MIB1: variants seen among roughly 807,000 people sequenced by gnomAD.
MIB1 encodes the protein MIB E3 ubiquitin protein ligase 1, also known as E3 ubiquitin-protein ligase MIB1.
MIB1 carries 278 observed loss-of-function variants against 124.5 expected under a neutral mutation model. That is an observed-to-expected ratio of 2.23 (90% confidence interval 2.02 to 2.47). The LOEUF is 2.47. MIB1 is among the 30% of genes most tolerant of loss of function. The pLI, the probability that MIB1 is intolerant of heterozygous loss-of-function variation, is 0.00. For synonymous variants in MIB1, 446 were observed against 429.4 expected (o/e 1.04, Z -0.48); for missense variants, 957 against 1,254.4 (o/e 0.76, Z 3.58).
At chr18:21,744,752 AT>A (rs1243228433) in intron 1 of MIB1, among the ~76,000 whole-genome samples, 2 of 152,228 alleles carry the variant, frequency 1.3e-5, no homozygotes, top group Non-Finnish European at 2.9e-5. Flanking sequence ...TTGTTAGTGC[AT>A]CGTACCAGGA....
At chr18:21,766,754 TA>T (rs61661344) in intron 2 of MIB1, among the ~76,000 whole-genome samples, 2,457 of 152,208 alleles carry the variant, frequency 0.016, 63 homozygotes, top group African/African-American at 0.052. Context: ...TAAAAATGAA[TA>T]AGGCTGGGCG....
chr18:21,785,873 G>A (rs1258515459), intron 6 of MIB1, among the ~76,000 whole-genome samples: 1 of 152,112 alleles, frequency 6.6e-6, no homozygotes, highest in Non-Finnish European at 1.5e-5. Flanking sequence ...GAAAGTTTTG[G>A]TTGGTACAGT....
intron 12 of MIB1, among the ~76,000 whole-genome samples, chr18:21,825,306 A>G (rs141455659): frequency 2.6e-4 from 40 of 152,286 alleles, no homozygotes; most frequent in African/African-American, 9.6e-4. Context: ...GCACACATCC[A>G]TGTAAACCAC....
chr18:21,803,544 C>CT (rs1476173807), intron 9 of MIB1, among the ~76,000 whole-genome samples: 1 of 152,078 alleles, frequency 6.6e-6, no homozygotes, highest in Non-Finnish European at 1.5e-5. Context: ...TAAAAGTTTT[C>CT]TTTTCACTTC....
At chr18:21,808,957 G>A (rs1044320712) in intron 10 of MIB1, among the ~76,000 whole-genome samples, 1 of 151,910 alleles carries the variant, frequency 6.6e-6, no homozygotes, top group Non-Finnish European at 1.5e-5. Context: ...AAAAAAAACT[G>A]CTTCAAATGG....
At chr18:21,809,525 T>C (rs1198815854) in intron 10 of MIB1, among the ~76,000 whole-genome samples, 1 of 152,010 alleles carries the variant, frequency 6.6e-6, no homozygotes, top group Non-Finnish European at 1.5e-5. Context: ...TGAGCTACAT[T>C]CAGCAGCATG....
At chr18:21,757,162 C>T (rs1243537552) in intron 1 of MIB1, among the ~76,000 whole-genome samples, 2 of 151,804 alleles carry the variant, frequency 1.3e-5, no homozygotes, top group Non-Finnish European at 2.9e-5. Context: ...TTAAAAAAGA[C>T]AGTCTTTTAG....
At chr18:21,846,875 A>G (rs930531414) in intron 15 of MIB1, 69 bp from the exon 16 acceptor site, 9 of 1,436,974 alleles carry the variant, frequency 6.3e-6, no homozygotes, top group Non-Finnish European at 5.8e-6. Context: ...ACACACATAC[A>G]TATATATGAT....
At chr18:21,778,606 AG>A (rs1359009145) in intron 5 of MIB1, among the ~76,000 whole-genome samples, 1 of 152,110 alleles carries the variant, frequency 6.6e-6, no homozygotes, top group Non-Finnish European at 1.5e-5. Context: ...AATAAAAAAA[AG>A]GGAACAAGAA....
At chr18:21,811,730 C>G (rs2041775909) in intron 10 of MIB1, among the ~76,000 whole-genome samples, 1 of 151,812 alleles carries the variant, frequency 6.6e-6, no homozygotes, top group Non-Finnish European at 1.5e-5. Context: ...TGTAGAGTTT[C>G]AGTTTTCTCA....
Position 21,773,683 on chromosome 18 carries a change from G to A in MIB1, c.591G>A (p.Trp197Ter), listed in dbSNP as rs1393169553. The change falls in exon 4 of 21, where the codon TGG (tryptophan) becomes TGA (stop). Residue 197 changes from tryptophan (W) to a stop codon, truncating the protein, a stop_gained. Transcript: ENST00000261537. LOFTEE classifies it high-confidence loss of function. ...CACATAGCGCAGCATATGTCCTCTG[G>A]GATAATGGTGCTAAGAACCTTTACA... The part of the protein sequence containing the change: ...SSPHSAAYVL[W>*]DNGAKNLYRV... The A allele has an allele frequency of 1.9e-6, 3 of 1,608,958 alleles. No individual in the cohort carries two copies. Among genetic ancestry groups the A allele is most frequent in the South Asian group, 2.2e-5 (2 of 90,012 alleles).
intron 1 of MIB1, among the ~76,000 whole-genome samples, chr18:21,710,125 C>CTT (rs879714963): frequency 4.8e-5 from 7 of 145,148 alleles, no homozygotes; most frequent in African/African-American, 1.5e-4. Context: ...ATGAAATTCT[C>CTT]TTTTTTTTTT....
At chr18:21,858,213 A>T (rs2042244796) in intron 19 of MIB1, among the ~76,000 whole-genome samples, 1 of 152,230 alleles carries the variant, frequency 6.6e-6, no homozygotes, top group African/African-American at 2.4e-5. Flanking sequence ...ATGGTACAGG[A>T]GCAGAGGAAG....
At chr18:21,775,050 A>G (rs2041267452) in intron 4 of MIB1, among the ~76,000 whole-genome samples, 1 of 151,702 alleles carries the variant, frequency 6.6e-6, no homozygotes, top group Non-Finnish European at 1.5e-5. Context: ...GGTTCATGCC[A>G]TTCTCCTGCC....
chr18:21,750,341 T>G (rs2146386142), intron 1 of MIB1, among the ~76,000 whole-genome samples: 1 of 151,998 alleles, frequency 6.6e-6, no homozygotes, highest in African/African-American at 2.4e-5. Context: ...ATTTTTATTT[T>G]TTTTGAGACG....
At chr18:21,744,318 T>G (rs1020403967) in intron 1 of MIB1, among the ~76,000 whole-genome samples, 3 of 152,182 alleles carry the variant, frequency 2.0e-5, no homozygotes, top group Admixed American at 6.5e-5. Context: ...AATTAACTTT[T>G]GTTTTTGAAA....
intron 12 of MIB1, chr18:21,828,622 AT>A: frequency 6.3e-6 from 1 of 159,828 alleles, no homozygotes; most frequent in Non-Finnish European, 1.4e-5. Context: ...TATACTTAAG[AT>A]TAAATTGTGG....
intron 11 of MIB1, among the ~76,000 whole-genome samples, chr18:21,818,936 A>G (rs183715193): frequency 3.2e-4 from 48 of 152,262 alleles, no homozygotes; most frequent in African/African-American, 1.1e-3. Context: ...CTTGGTCTCA[A>G]AAAAAAGAAA....
chr18:21,836,869 T>C (rs919034351), intron 12 of MIB1, among the ~76,000 whole-genome samples: 2 of 152,208 alleles, frequency 1.3e-5, no homozygotes, highest in African/African-American at 2.4e-5. Context: ...TATAATGTCG[T>C]ACCAATACTT....
Sources: gnomAD v4.1 joint callset for allele counts (sites outside exome capture counted in the v4.1 genomes callset) on GRCh38, gnomAD v4.1.1 for gene constraint, MANE v1.5 for transcripts, NCBI Gene and HGNC (gene_info 2026-07-23, HGNC 2026-07-21) for gene names.